ERCC8: variants seen among roughly 807,000 people sequenced by gnomAD.
ERCC8 encodes DNA excision repair protein ERCC-8.
In ERCC8, 52 loss-of-function variants were observed where a neutral mutation model predicts 54.9. The ratio of observed to expected loss-of-function variants is 0.95; its 90% confidence interval spans 0.76 to 1.19. The LOEUF (loss-of-function observed/expected upper bound fraction) is 1.19. Among genes scored for constraint, ERCC8 ranks in the 50% most tolerant of loss-of-function variants. The pLI, the probability that ERCC8 is intolerant of heterozygous loss-of-function variation, is 0.00. For synonymous variants in ERCC8, 146 were observed against 157.2 expected (o/e 0.93, Z 0.53); for missense variants, 514 against 466.1 (o/e 1.10, Z -0.95).
In ERCC8 at chr5:60,870,691, CAT is replaced by C. The variant is rs1327827130; in HGVS notation, c.*3922_*3923del. On this transcript the variant is annotated 3_prime_UTR_variant, in exon 12 of 12. Coordinates refer to ENST00000676185, the MANE Select transcript of ERCC8 (RefSeq NM_000082.4). The stretch of plus-strand genomic sequence containing the variant: ...AAAAAAAAGGGAAGAAAGGAAGAAA[CAT>C]AGAGAGGTCAGTTACATGCAATTTT... 6.8e-6 allele frequency among the ~76,000 whole-genome samples: 1 copy of C among 147,870 alleles called. No individual in the cohort carries two copies. Among genetic ancestry groups the C allele is most frequent in the African/African-American group, 2.5e-5 (1 of 40,336 alleles).
intron 4 of ERCC8, among the ~76,000 whole-genome samples, chr5:60,913,823 T>C (rs892127047): frequency 6.6e-6 from 1 of 152,160 alleles, no homozygotes; most frequent in Non-Finnish European, 1.5e-5. Flanking sequence ...AAAGAACATC[T>C]TTATTTCTGC....
chr5:60,881,128 C>T (rs927702064), intron 11 of ERCC8, among the ~76,000 whole-genome samples: 2 of 150,088 alleles, frequency 1.3e-5, no homozygotes, highest in African/African-American at 2.5e-5. Context: ...CTGGAGGTCC[C>T]CTCCAGACCG....
At chr5:60,876,294 G>A (rs1299208315) in intron 11 of ERCC8, among the ~76,000 whole-genome samples, 1 of 152,186 alleles carries the variant, frequency 6.6e-6, no homozygotes, top group African/African-American at 2.4e-5. Flanking sequence ...GGACATTTGG[G>A]TTGGTTCCAA....
In ERCC8 at chr5:60,887,440, CTCA is replaced by C; in HGVS notation, c.1119_1121del (p.Asp373del). The stretch of plus-strand genomic sequence containing the variant: ...TACCATTTGTGAAAATAATATTTAC[CTCA>C]TCATCATCAGGAACTGGTTCATATA... On this transcript the variant is annotated inframe_deletion and splice_region_variant, in exon 11 of 12. Transcript: ENST00000676185. 3 of 1,605,670 alleles carry C rather than the reference CTCA, an allele frequency of 1.9e-6. No homozygotes were observed. The highest frequency in any genetic ancestry group is 2.6e-6 in the Non-Finnish European group (3 of 1,172,448).
chr5:60,900,767 C>T (rs1168732673), intron 7 of ERCC8: 3 of 152,030 alleles, frequency 2.0e-5, no homozygotes, highest in Admixed American at 2.0e-4. Context: ...ACACTGATTA[C>T]TAGGTCCATT....
In ERCC8 at chr5:60,922,105, T is replaced by G. The variant is rs1205118875; in HGVS notation, c.224A>C (p.Asn75Thr). Reference sequence around the variant, plus strand: ...TGTGTAATAAGATTGTCTGCTGGAGTTCTCAAGGTCATAAAGTACAATCAC... The same window carrying G: ...TGTGTAATAAGATTGTCTGCTGGAGGTCTCAAGGTCATAAAGTACAATCAC... ...DGVIVLYDLE[N>T]SSRQSYYTCK... Residue 75 changes from asparagine (N) to threonine (T), a missense_variant, in exon 3 of 12, where the codon AAC becomes ACC. Transcript: ENST00000676185. The G allele has an allele frequency of 6.2e-7, 1 of 1,610,312 alleles. No homozygotes were observed. The highest frequency in any genetic ancestry group is 8.5e-7 in the Non-Finnish European group (1 of 1,177,816).
intron 4 of ERCC8, among the ~76,000 whole-genome samples, chr5:60,914,314 T>C (rs562126460): frequency 6.6e-6 from 1 of 152,274 alleles, no homozygotes; most frequent in African/African-American, 2.4e-5. Context: ...GTAGCTCTTC[T>C]TGTTGTGATC....
chr5:60,914,052 A>T (rs1487747289), intron 4 of ERCC8, among the ~76,000 whole-genome samples: 1 of 152,150 alleles, frequency 6.6e-6, no homozygotes, highest in African/African-American at 2.4e-5. Flanking sequence ...TGGTGCTGGG[A>T]AGAATGTATA....
At chr5:60,920,575 AAT>A (rs1322302954) in intron 3 of ERCC8, among the ~76,000 whole-genome samples, 25 of 151,962 alleles carry the variant, frequency 1.6e-4, no homozygotes, top group African/African-American at 6.0e-4. Context: ...TTAACTTAAT[AAT>A]AGTCTTTATT....
At chr5:60,913,173 G>A (rs956579039) in intron 4 of ERCC8, among the ~76,000 whole-genome samples, 7 of 152,092 alleles carry the variant, frequency 4.6e-5, no homozygotes, top group African/African-American at 1.7e-4. Flanking sequence ...AATGGTACCA[G>A]CTCCTCTTTG....
In ERCC8 at chr5:60,867,257, T is replaced by A. The variant is rs777204050; in HGVS notation, c.*7358A>T. Among the ~76,000 whole-genome samples, 2 of 152,092 alleles carry A rather than the reference T, an allele frequency of 1.3e-5. No homozygotes were observed. The highest frequency in any genetic ancestry group is 3.9e-4 in the East Asian group (2 of 5,152). On this transcript the variant is annotated 3_prime_UTR_variant, in exon 12 of 12. Coordinates refer to ENST00000676185, the MANE Select transcript of ERCC8 (RefSeq NM_000082.4). ...ATTTCCAGTCCACTGTTATTTCTTTTTCTTTTCATTTTTTTGAGACAGAGT... is the reference window on the plus strand; with the variant it reads ...ATTTCCAGTCCACTGTTATTTCTTTATCTTTTCATTTTTTTGAGACAGAGT...
chr5:60,938,030 TAC>T (rs1750121416), intron 1 of ERCC8, among the ~76,000 whole-genome samples: 1 of 35,676 alleles, frequency 2.8e-5, no homozygotes, highest in African/African-American at 1.1e-4. Flanking sequence ...TGTGTATACA[TAC>T]ATACATACAT....
intron 10 of ERCC8, among the ~76,000 whole-genome samples, chr5:60,890,240 G>A (rs1354310723): frequency 6.6e-6 from 1 of 152,124 alleles, no homozygotes; most frequent in Admixed American, 6.5e-5. Flanking sequence ...CATTCTATCA[G>A]TATTTAACTT....
rs185830878 is a variant in ERCC8, at chr5:60,936,369, C to A, written c.78-7410G>T. On this transcript the variant is annotated intron_variant, in intron 1 of 11. Coordinates refer to ENST00000676185, the MANE Select transcript of ERCC8 (RefSeq NM_000082.4). ...CTGTAGTAAGGGTTGTAATATCTCCCATTTTGTTTCTAATTGAATTTACCA... is the reference window on the plus strand; with the variant it reads ...CTGTAGTAAGGGTTGTAATATCTCCAATTTTGTTTCTAATTGAATTTACCA... Among the ~76,000 whole-genome samples, 250 of 152,188 alleles carry A rather than the reference C, an allele frequency of 1.6e-3. 1 individual carries two copies. The highest frequency in any genetic ancestry group is 2.0e-3 in the Non-Finnish European group (139 of 67,996).
At chr5:60,883,004 C>A in intron 11 of ERCC8, among the ~76,000 whole-genome samples, 1 of 146,976 alleles carries the variant, frequency 6.8e-6, no homozygotes, top group South Asian at 2.1e-4. Flanking sequence ...CACACACACA[C>A]ATGTCTGTAG....
Position 60,898,272 on chromosome 5 carries a change from T to C in ERCC8, c.843+4A>G. 6.2e-7 allele frequency: 1 copy of C among 1,613,248 alleles called. No homozygotes were observed. The highest frequency in any genetic ancestry group is 8.5e-7 in the Non-Finnish European group (1 of 1,179,372). On this transcript the variant is annotated splice_donor_region_variant and intron_variant, in intron 9 of 11. Transcript: ENST00000676185. ...ACCCAAATATATACTTAAAAATCTC[T>C]TACAAGTGTGTTTTCTCCATTGGAA...
At chr5:60,887,644 A>G (rs563788458) in intron 10 of ERCC8, 124 bp from the exon 11 acceptor site, 39 of 745,008 alleles carry the variant, frequency 5.2e-5, no homozygotes, top group Middle Eastern at 4.8e-4. Flanking sequence ...TACTCCCTAA[A>G]GAAACTAGGC....
chr5:60,945,012 G>C lies in ERCC8; in HGVS notation c.-4C>G, dbSNP rs752526268. The C allele has an allele frequency of 2.4e-5, 38 of 1,612,962 alleles. 1 individual carries two copies. In the South Asian group the frequency reaches 2.7e-4, roughly 12 times the overall value. ...GTGCGGACAAAAACCCCAGCATATC[G>C]TGTCCTCACACCGGCTGGAGCACTG... On this transcript the variant is annotated 5_prime_UTR_variant, in exon 1 of 12. Coordinates refer to ENST00000676185, the MANE Select transcript of ERCC8 (RefSeq NM_000082.4).
chr5:60,886,515 A>G (rs1371416124), intron 11 of ERCC8, among the ~76,000 whole-genome samples: 2 of 152,070 alleles, frequency 1.3e-5, no homozygotes, highest in Non-Finnish European at 2.9e-5. Flanking sequence ...CAGCCTGACA[A>G]ACATGGTGAG....
Sources: allele counts gnomAD v4.1 joint callset (sites outside exome capture counted in the v4.1 genomes callset), GRCh38; gene constraint gnomAD v4.1.1; transcripts MANE v1.5; gene names NCBI Gene and HGNC (gene_info 2026-07-23, HGNC 2026-07-21).